Variants in PTPRM observed in about 807,000 individuals in gnomAD.
PTPRM encodes the protein receptor-type tyrosine-protein phosphatase mu.
Under a neutral mutation model 186.7 loss-of-function variants are expected in PTPRM, and 47 were observed. The ratio of observed to expected loss-of-function variants is 0.25; its 90% confidence interval spans 0.20 to 0.32. The LOEUF (loss-of-function observed/expected upper bound fraction) is 0.32, where lower values mean the gene tolerates loss of function less well. PTPRM is among the 10% of genes least tolerant of loss of function. PTPRM has a pLI of 1.00. For missense variants in PTPRM, 1,494 were observed against 1,865.0 expected, an observed-to-expected ratio of 0.80 and a Z score of 3.66; for synonymous variants, 668 against 674.9, an observed-to-expected ratio of 0.99 and a Z score of 0.16.
intron 4 of PTPRM, among the ~76,000 whole-genome samples, chr18:7,915,491 C>T (rs2050504491): frequency 6.6e-6 from 1 of 152,116 alleles, no homozygotes; most frequent in South Asian, 2.1e-4. Flanking sequence ...CTTTTCTGGC[C>T]ATAGAGCTCT....
chr18:8,395,154 G>A (rs1053497525), intron 32 of PTPRM, among the ~76,000 whole-genome samples: 1 of 152,102 alleles, frequency 6.6e-6, no homozygotes, highest in African/African-American at 2.4e-5. Context: ...ATGTGGAGCT[G>A]TTGAAATGCC....
At chr18:8,179,587 A>G (rs1261722354) in intron 14 of PTPRM, among the ~76,000 whole-genome samples, 2 of 151,416 alleles carry the variant, frequency 1.3e-5, no homozygotes, top group East Asian at 3.9e-4. Context: ...CTCCTGCCTC[A>G]GTCTCCCAGG....
intron 1 of PTPRM, among the ~76,000 whole-genome samples, chr18:7,595,943 C>G (rs1450047052): frequency 5.9e-5 from 9 of 152,176 alleles, no homozygotes; most frequent in African/African-American, 2.2e-4. Flanking sequence ...AAAGATGCAC[C>G]TGAATCATTT....
chr18:7,994,701 G>A (rs547377354), intron 7 of PTPRM, among the ~76,000 whole-genome samples: 192 of 152,148 alleles, frequency 1.3e-3, no homozygotes, highest in African/African-American at 4.3e-3. Flanking sequence ...AAATATGGAA[G>A]TTAAATAATA....
chr18:8,080,956 A>G (rs1347751220), intron 9 of PTPRM, among the ~76,000 whole-genome samples: 1 of 152,076 alleles, frequency 6.6e-6, no homozygotes, highest in Non-Finnish European at 1.5e-5. Context: ...CAAGTACTTT[A>G]CTTTTCCTTG....
chr18:8,315,916 T>C (rs2095305929), intron 21 of PTPRM, among the ~76,000 whole-genome samples: 1 of 152,232 alleles, frequency 6.6e-6, no homozygotes, highest in Admixed American at 6.5e-5. Flanking sequence ...ACCCCTGCAC[T>C]ATTTTGATAA....
chr18:7,878,885 C>G (rs1024619740), intron 2 of PTPRM, among the ~76,000 whole-genome samples: 1 of 152,130 alleles, frequency 6.6e-6, no homozygotes, highest in Non-Finnish European at 1.5e-5. Context: ...CAATGAAAAA[C>G]TTGACGTATG....
rs375633195 is a variant in PTPRM, at chr18:7,784,400, G to T, written c.196+10129G>T. Among the ~76,000 whole-genome samples, 4 of 152,172 alleles carry T rather than the reference G, an allele frequency of 2.6e-5. No individual in the cohort carries two copies. In the East Asian group the frequency reaches 5.8e-4, roughly 22 times the overall value. On this transcript the variant is annotated intron_variant, in intron 2 of 32. Coordinates refer to ENST00000580170, the MANE Select transcript of PTPRM (RefSeq NM_001105244.2). ...CTCTGCCAGCCCAGCTGCTGAAGCT[G>T]CCTGCTGTAACCTGAAACCAGTTTT...
intron 3 of PTPRM, among the ~76,000 whole-genome samples, chr18:7,901,174 G>A (rs941560953): frequency 1.3e-5 from 2 of 152,112 alleles, no homozygotes; most frequent in African/African-American, 4.8e-5. Context: ...CATTAGAGTA[G>A]TTCCTTATTT....
intron 2 of PTPRM, among the ~76,000 whole-genome samples, chr18:7,867,371 G>A (rs1433487998): frequency 6.6e-6 from 1 of 152,192 alleles, no homozygotes; most frequent in East Asian, 1.9e-4. Context: ...CTTCCTTGAG[G>A]AGTTCTTGTA....
chr18:8,118,564 C>G (rs2092044797), intron 13 of PTPRM, among the ~76,000 whole-genome samples: 1 of 152,076 alleles, frequency 6.6e-6, no homozygotes, highest in South Asian at 2.1e-4. Context: ...CTTTGGGAGG[C>G]TGAAACAAGA....
chr18:7,845,764 G>A (rs1191859348), intron 2 of PTPRM, among the ~76,000 whole-genome samples: 2 of 151,974 alleles, frequency 1.3e-5, no homozygotes, highest in Admixed American at 6.6e-5. Context: ...GTGGTCCTCC[G>A]TGTCCATACA....
chr18:8,275,754 A>G (rs1326612377), intron 19 of PTPRM, among the ~76,000 whole-genome samples: 1 of 152,162 alleles, frequency 6.6e-6, no homozygotes, highest in African/African-American at 2.4e-5. Flanking sequence ...ATATCAATAG[A>G]TATTTTCACT....
intron 14 of PTPRM, among the ~76,000 whole-genome samples, chr18:8,151,966 T>C (rs1198166875): frequency 1.3e-5 from 2 of 152,132 alleles, no homozygotes; most frequent in African/African-American, 2.4e-5. Context: ...CTGCTTCGGC[T>C]CGCCCTCCAT....
chr18:8,090,213 G>T (rs2090638447), intron 11 of PTPRM, among the ~76,000 whole-genome samples: 1 of 152,102 alleles, frequency 6.6e-6, no homozygotes, highest in Non-Finnish European at 1.5e-5. Context: ...CATGACCATG[G>T]CTCAGTCTTT....
intron 2 of PTPRM, among the ~76,000 whole-genome samples, chr18:7,824,391 A>G (rs1374579848): frequency 1.3e-5 from 2 of 152,066 alleles, no homozygotes; most frequent in African/African-American, 4.8e-5. Context: ...CAGGCAGCCC[A>G]AGAGCAGGTG....
At chr18:7,650,643 C>T (rs1403263510) in intron 1 of PTPRM, among the ~76,000 whole-genome samples, 2 of 152,118 alleles carry the variant, frequency 1.3e-5, no homozygotes, top group Admixed American at 1.3e-4. Context: ...AAGGAAGACT[C>T]TTATAGGCAC....
chr18:7,574,989 G>A (rs532666097), intron 1 of PTPRM, among the ~76,000 whole-genome samples: 8 of 152,268 alleles, frequency 5.3e-5, no homozygotes, highest in East Asian at 1.9e-4. Context: ...CCGAGATCGC[G>A]CCACTGCACT....
At chr18:8,147,628 C>T (rs995875915) in intron 14 of PTPRM, among the ~76,000 whole-genome samples, 2 of 118,584 alleles carry the variant, frequency 1.7e-5, no homozygotes, top group South Asian at 2.4e-4. Flanking sequence ...TGTTTGAATA[C>T]CCTTTATTTC....
Sources: allele counts gnomAD v4.1 joint callset (sites outside exome capture counted in the v4.1 genomes callset), GRCh38; gene constraint gnomAD v4.1.1; transcripts MANE v1.5; gene names NCBI Gene and HGNC (gene_info 2026-07-23, HGNC 2026-07-21).